Variants in CREB5 observed in about 807,000 individuals in gnomAD.
CREB5 encodes the protein cyclic AMP-responsive element-binding protein 5.
A neutral mutation model predicts 57.1 loss-of-function variants in CREB5; 19 were observed. The observed-to-expected ratio is 0.33, with a 90% CI of 0.23 to 0.49. The LOEUF (loss-of-function observed/expected upper bound fraction) is 0.49. Ranked by LOEUF, CREB5 falls within the 20% of genes least tolerant of loss-of-function variation. The probability of loss-of-function intolerance (pLI) is 0.99; values close to 1 mark genes in which losing one functional copy is unlikely to be tolerated. For missense variants in CREB5, 579 were observed against 671.6 expected (o/e 0.86, Z 1.52); for synonymous variants, 238 against 238.3 (o/e 1.00, Z 0.01).
intron 1 of CREB5, among the ~76,000 whole-genome samples, chr7:28,318,379 CAA>C (rs1234521448): frequency 6.6e-6 from 1 of 152,188 alleles, no homozygotes; most frequent in Non-Finnish European, 1.5e-5. Context: ...CCATGCAAGA[CAA>C]AAGTGTGCTG....
rs544607678 is a variant in CREB5 at position 28,420,957 on chromosome 7, A to G, written c.3+8040A>G. On this transcript the variant is annotated intron_variant, in intron 1 of 10. Coordinates refer to ENST00000357727, the MANE Select transcript of CREB5 (RefSeq NM_182898.4). ...GTACAGACCATTTGTTTCAAGTTAG[A>G]TGCATCCACTTTAATTTTTTTTTAA... 3.0e-4 allele frequency among the ~76,000 whole-genome samples: 45 copies of G among 152,002 alleles called. No individual in the cohort carries two copies. The South Asian group carries it at 3.3e-3, about 11-fold the overall frequency.
intron 1 of CREB5, among the ~76,000 whole-genome samples, chr7:28,318,291 A>C (rs1459066479): frequency 6.6e-6 from 1 of 152,214 alleles, no homozygotes; most frequent in South Asian, 2.1e-4. Context: ...GACGTAGCCA[A>C]TCTGCAATGT....
At chr7:28,784,851 G>A (rs780577040) in intron 7 of CREB5, among the ~76,000 whole-genome samples, 9 of 152,166 alleles carry the variant, frequency 5.9e-5, no homozygotes, top group Non-Finnish European at 1.0e-4. Flanking sequence ...CACCAGAGTT[G>A]TGGGGAATCG....
intron 5 of CREB5, among the ~76,000 whole-genome samples, chr7:28,591,954 A>G (rs1213896238): frequency 6.6e-6 from 1 of 152,160 alleles, no homozygotes; most frequent in Non-Finnish European, 1.5e-5. Context: ...TTGAATTTGG[A>G]TAGTCATAAA....
intron 7 of CREB5, among the ~76,000 whole-genome samples, chr7:28,745,176 T>C (rs1804622351): frequency 6.6e-6 from 1 of 152,198 alleles, no homozygotes; most frequent in Admixed American, 6.5e-5. Context: ...TATTCATAAG[T>C]TGTAGTCGCT....
At chr7:28,591,115 A>G (rs1270958267) in intron 5 of CREB5, among the ~76,000 whole-genome samples, 4 of 152,190 alleles carry the variant, frequency 2.6e-5, no homozygotes, top group Admixed American at 1.3e-4. Context: ...TTTACTCCAA[A>G]CAGGATGACC....
chr7:28,701,821 A>G (rs1436096757), intron 5 of CREB5, among the ~76,000 whole-genome samples: 1 of 152,250 alleles, frequency 6.6e-6, no homozygotes, highest in East Asian at 1.9e-4. Context: ...ATCAGTTTCC[A>G]GGACGTTGTA....
chr7:28,779,708 A>C (rs1806861756), intron 7 of CREB5, among the ~76,000 whole-genome samples: 1 of 152,222 alleles, frequency 6.6e-6, no homozygotes, highest in Admixed American at 6.5e-5. Context: ...TTTGTCATCT[A>C]GACTAGTTCT....
At chr7:28,594,264 T>G (rs773717470) in intron 5 of CREB5, among the ~76,000 whole-genome samples, 1 of 152,240 alleles carries the variant, frequency 6.6e-6, no homozygotes, top group Non-Finnish European at 1.5e-5. Context: ...GTGAAGTATC[T>G]TAGAATAGGT....
At chr7:28,303,453 C>A (rs1318965153) in intron 1 of CREB5, among the ~76,000 whole-genome samples, 1 of 152,124 alleles carries the variant, frequency 6.6e-6, no homozygotes, top group Non-Finnish European at 1.5e-5. Context: ...AATTAGCCAG[C>A]CTTTATCTAG....
chr7:28,672,118 T>C (rs921919011), intron 5 of CREB5, among the ~76,000 whole-genome samples: 3 of 151,186 alleles, frequency 2.0e-5, no homozygotes, highest in African/African-American at 7.3e-5. Context: ...AAAATCACTT[T>C]CTAAAATAAA....
At chr7:28,547,848 A>C (rs757714836) in intron 4 of CREB5, among the ~76,000 whole-genome samples, 3 of 152,226 alleles carry the variant, frequency 2.0e-5, no homozygotes, top group Non-Finnish European at 2.9e-5. Flanking sequence ...ACCATATCTT[A>C]TACTTCTTAT....
chr7:28,309,243 G>C (rs1785236237), intron 1 of CREB5, among the ~76,000 whole-genome samples: 1 of 152,086 alleles, frequency 6.6e-6, no homozygotes, highest in African/African-American at 2.4e-5. Context: ...ATGCACACAA[G>C]CTATTGGTCT....
chr7:28,495,759 A>C (rs1163254653), intron 3 of CREB5, among the ~76,000 whole-genome samples: 1 of 152,232 alleles, frequency 6.6e-6, no homozygotes. Context: ...AAAAGGTGCT[A>C]TGCAACTTTG....
intron 6 of CREB5, among the ~76,000 whole-genome samples, chr7:28,719,646 A>G (rs956932994): frequency 1.3e-5 from 2 of 152,228 alleles, no homozygotes; most frequent in South Asian, 2.1e-4. Context: ...ACTGAGGTAT[A>G]GACAGGCTGA....
At chr7:28,682,694 G>GGGGA (rs1491335721) in intron 5 of CREB5, among the ~76,000 whole-genome samples, 1 of 119,794 alleles carries the variant, frequency 8.3e-6, no homozygotes, top group Non-Finnish European at 1.9e-5. Context: ...GGGGGGGGGG[G>GGGGA]AAACCCCAGC....
chr7:28,373,745 T>C (rs1786763838), intron 1 of CREB5, among the ~76,000 whole-genome samples: 1 of 152,048 alleles, frequency 6.6e-6, no homozygotes, highest in African/African-American at 2.4e-5. Flanking sequence ...CTCTTAATAC[T>C]GTTACATATT....
chr7:28,473,204 C>G (rs893128551), intron 1 of CREB5, among the ~76,000 whole-genome samples: 1 of 152,110 alleles, frequency 6.6e-6, no homozygotes, highest in Non-Finnish European at 1.5e-5. Flanking sequence ...TACCTATGGT[C>G]CCAGCTACTT....
chr7:28,724,581 T>C (rs1803233192), intron 7 of CREB5: 2 of 449,998 alleles, frequency 4.4e-6, no homozygotes, highest in South Asian at 5.2e-5. Context: ...TTTTGGTAGA[T>C]CCATACAAGT....
Sources: gnomAD v4.1 joint callset for allele counts (sites outside exome capture counted in the v4.1 genomes callset) on GRCh38, gnomAD v4.1.1 for gene constraint, MANE v1.5 for transcripts, NCBI Gene and HGNC (gene_info 2026-07-23, HGNC 2026-07-21) for gene names.